KCTD8: variants seen among roughly 807,000 people sequenced by gnomAD.
The protein encoded by KCTD8 is potassium channel tetramerization domain containing 8, also known as BTB/POZ domain-containing protein KCTD8.
A neutral mutation model predicts 31.5 loss-of-function variants in KCTD8; 27 were observed. That is an observed-to-expected ratio of 0.86 (90% confidence interval 0.63 to 1.18). The LOEUF is 1.18. Among genes scored for constraint, KCTD8 ranks in the 50% most tolerant of loss-of-function variants. The pLI is 0.00. For synonymous variants in KCTD8, 290 were observed against 280.0 expected (o/e 1.04, Z -0.36); for missense variants, 658 against 647.7 (o/e 1.02, Z -0.17).
chr4:44,408,125 A>G (rs1720848141), intron 1 of KCTD8, among the ~76,000 whole-genome samples: 2 of 152,228 alleles, frequency 1.3e-5, no homozygotes, highest in Admixed American at 1.3e-4. Flanking sequence ...CTACTGTGAA[A>G]GACAAGTTAA....
chr4:44,263,762 T>C (rs187213715), intron 1 of KCTD8, among the ~76,000 whole-genome samples: 122 of 152,244 alleles, frequency 8.0e-4, no homozygotes, highest in African/African-American at 2.7e-3. Flanking sequence ...GCCACTGAGA[T>C]AGGAAGTAGA....
chr4:44,407,526 ACAGGCATGCGCCAC>A (rs1008056903), intron 1 of KCTD8, among the ~76,000 whole-genome samples: 3 of 151,866 alleles, frequency 2.0e-5, no homozygotes, highest in Admixed American at 2.0e-4. Context: ...AGCTGGGATT[ACAGGCATGCGCCAC>A]CATGCCCAGC....
rs531448268 is a variant in KCTD8 at position 44,293,487 on chromosome 4, C to G, written c.962-118237G>C. The G allele has an allele frequency of 2.4e-5, 11 of 453,758 alleles. No individual in the cohort carries two copies. In the East Asian group the frequency reaches 7.0e-4, roughly 29 times the overall value. 28.1% of individuals were successfully genotyped at this position (453,758 alleles called of 1,614,324 possible). A position where few individuals can be genotyped will look rare whatever the true frequency, so the allele number is the denominator to read the frequency against. ...AATCATAAATAGCCATATATTCAAA[C>G]CTAGAGGTAGCAAAGGTGTAATTGG... On this transcript the variant is annotated intron_variant, in intron 1 of 1. Transcript: ENST00000360029.
In KCTD8 at chr4:44,250,141, G is replaced by T. The variant is rs1042644955; in HGVS notation, c.962-74891C>A. Among the ~76,000 whole-genome samples the T allele has an allele frequency of 2.6e-5, 4 of 151,880 alleles. No individual in the cohort carries two copies. The South Asian group carries it at 8.3e-4, about 31-fold the overall frequency. On this transcript the variant is annotated intron_variant, in intron 1 of 1. Transcript: ENST00000360029. ...AATGCACATGTGTAAGATTATACAT[G>T]TTCATGGGTGAGTTTTTTTAGGCTC... is the stretch of plus-strand genomic sequence containing the variant.
At chr4:44,262,968 G>C (rs117059984) in intron 1 of KCTD8, among the ~76,000 whole-genome samples, 1 of 152,076 alleles carries the variant, frequency 6.6e-6, no homozygotes, top group Non-Finnish European at 1.5e-5. Context: ...ATTATGAAAT[G>C]AAACATATGT....
chr4:44,425,063 G>T (rs1577666782), intron 1 of KCTD8, among the ~76,000 whole-genome samples: 1 of 151,964 alleles, frequency 6.6e-6, no homozygotes, highest in Non-Finnish European at 1.5e-5. Flanking sequence ...ATGACCATCT[G>T]CAAGCCACAA....
chr4:44,322,570 T>C (rs896157199), intron 1 of KCTD8, among the ~76,000 whole-genome samples: 2 of 152,088 alleles, frequency 1.3e-5, no homozygotes, highest in Admixed American at 6.5e-5. Flanking sequence ...ATGTTTTTCC[T>C]TTGCTGTGCA....
chr4:44,386,189 A>G (rs1340846694), intron 1 of KCTD8, among the ~76,000 whole-genome samples: 3 of 151,546 alleles, frequency 2.0e-5, no homozygotes, highest in Non-Finnish European at 3.0e-5. Context: ...CAACAATTCC[A>G]CTTCTGGGTA....
intron 1 of KCTD8, among the ~76,000 whole-genome samples, chr4:44,208,923 C>T (rs779236882): frequency 5.9e-5 from 9 of 152,096 alleles, no homozygotes; most frequent in Non-Finnish European, 1.0e-4. Context: ...TGTCCATGAT[C>T]TAAATCTGTA....
intron 1 of KCTD8, among the ~76,000 whole-genome samples, chr4:44,229,322 G>A (rs1715053411): frequency 6.6e-6 from 1 of 152,136 alleles, no homozygotes; most frequent in African/African-American, 2.4e-5. Flanking sequence ...GTCCACACCT[G>A]TCGTGCTAAA....
chr4:44,248,173 G>C (rs965054705), intron 1 of KCTD8, among the ~76,000 whole-genome samples: 1 of 151,766 alleles, frequency 6.6e-6, no homozygotes, highest in African/African-American at 2.4e-5. Flanking sequence ...ACCTGAACGA[G>C]TGTAAGCTTT....
intron 1 of KCTD8, among the ~76,000 whole-genome samples, chr4:44,266,768 A>T (rs1221739198): frequency 1.3e-5 from 2 of 152,222 alleles, no homozygotes; most frequent in Non-Finnish European, 2.9e-5. Context: ...AACAGGCTTT[A>T]AACCAACAAA....
chr4:44,444,095 T>C (rs1426403663), intron 1 of KCTD8, among the ~76,000 whole-genome samples: 1 of 152,146 alleles, frequency 6.6e-6, no homozygotes, highest in South Asian at 2.1e-4. Context: ...TAAGGGTTCA[T>C]GTAGCCAAAT....
intron 1 of KCTD8, among the ~76,000 whole-genome samples, chr4:44,306,331 GTATAATTAT>G (rs1402996934): frequency 3.3e-5 from 5 of 151,936 alleles, no homozygotes; most frequent in African/African-American, 4.8e-5. Flanking sequence ...GATTGGTCAA[GTATAATTAT>G]ATCCTCACTT....
At chr4:44,257,075 G>A (rs1326364781) in intron 1 of KCTD8, among the ~76,000 whole-genome samples, 1 of 151,906 alleles carries the variant, frequency 6.6e-6, no homozygotes, top group African/African-American at 2.4e-5. Flanking sequence ...TATAGAAAAT[G>A]TAAATAGTCA....
chr4:44,191,420 T>G (rs1160911653), intron 1 of KCTD8, among the ~76,000 whole-genome samples: 1 of 152,210 alleles, frequency 6.6e-6, no homozygotes, highest in Non-Finnish European at 1.5e-5. Context: ...CCATAAGGTC[T>G]GACTGCCTAT....
intron 1 of KCTD8, among the ~76,000 whole-genome samples, chr4:44,209,418 A>G (rs986321464): frequency 2.6e-5 from 4 of 152,020 alleles, no homozygotes; most frequent in African/African-American, 9.7e-5. Context: ...TTCTTCTTCT[A>G]TTACCACATA....
At position 44,182,372 on chromosome 4, in the gene KCTD8, G is replaced by A. The variant is rs868396248; in HGVS notation, c.962-7122C>T. Among the ~76,000 whole-genome samples, 13 of 152,368 alleles carry A rather than the reference G, an allele frequency of 8.5e-5. No homozygotes were observed. The South Asian group carries it at 2.5e-3, about 29-fold the overall frequency. The stretch of plus-strand genomic sequence containing the variant: ...AAGGGGGAAAGGTGGGGAAAAGATA[G>A]AGAAATCAGGTTGTTGCTGTGTCTG... On this transcript the variant is annotated intron_variant, in intron 1 of 1. Coordinates refer to ENST00000360029, the MANE Select transcript of KCTD8 (RefSeq NM_198353.3).
chr4:44,296,631 G>A (rs1034581515), intron 1 of KCTD8, among the ~76,000 whole-genome samples: 8 of 152,034 alleles, frequency 5.3e-5, no homozygotes, highest in African/African-American at 1.9e-4. Flanking sequence ...TCTTTAATAA[G>A]TTCATAAAAT....
Sources: allele counts gnomAD v4.1 joint callset (sites outside exome capture counted in the v4.1 genomes callset), GRCh38; gene constraint gnomAD v4.1.1; transcripts MANE v1.5; gene names NCBI Gene and HGNC (gene_info 2026-07-23, HGNC 2026-07-21).